PGC: variants seen among roughly 807,000 people sequenced by gnomAD.
PGC encodes the protein progastricsin, also known as gastricsin.
A neutral mutation model predicts 45.9 loss-of-function variants in PGC; 31 were observed. The ratio of observed to expected loss-of-function variants is 0.67; its 90% CI spans 0.51 to 0.91. PGC has a LOEUF of 0.91. Among genes scored for constraint, PGC ranks in the 40% least tolerant of loss-of-function variants. The probability of loss-of-function intolerance (pLI) is 0.00; values close to 1 mark genes in which losing one functional copy is unlikely to be tolerated. For synonymous variants in PGC, 192 were observed against 201.8 expected (o/e 0.95, Z 0.41); for missense variants, 477 against 493.2 (o/e 0.97, Z 0.31).
chr6:41,737,813 T>G lies in PGC; in HGVS notation c.931A>C (p.Asn311His), dbSNP rs200403445. Residue 311 changes from asparagine to histidine, a missense_variant, in exon 8 of 9, where the codon AAC becomes CAC. Physicochemically the swap from Asn to His is moderately conservative, Grantham distance 68. Coordinates refer to ENST00000373025, the MANE Select transcript of PGC (RefSeq NM_002630.4). ...DEYGQFLVNC[N>H]SIQNLPSLTF... ...AAGCTGGGCAGATTCTGAATGCTGT[T>G]ACAGTTCACGAGAAACTGCAAGAGG... is the stretch of plus-strand genomic sequence containing the variant. The G allele has an allele frequency of 1.9e-6, 3 of 1,610,194 alleles. No homozygotes were observed. The highest frequency in any genetic ancestry group is 2.2e-5 in the East Asian group (1 of 44,832).
In PGC at chr6:41,736,986, C is replaced by T. The variant is rs1207289909; in HGVS notation, c.1033G>A (p.Val345Met). 4 of 1,613,714 alleles carry T rather than the reference C, an allele frequency of 2.5e-6. No individual in the cohort carries two copies. Among genetic ancestry groups the T allele is most frequent in the Admixed American group, 1.7e-5 (1 of 59,990 alleles). Residue 345 changes from valine to methionine, a missense_variant, in exon 9 of 9, where the codon GTG becomes ATG. Transcript: ENST00000373025. ...YILSNNGYCT[V>M]GVEPTYLSSQ... The stretch of plus-strand genomic sequence containing the variant: ...GACAGGTAGGTGGGCTCGACTCCCA[C>T]GGTGCAGTAGCCGTTGTTCTGCTCA...
At chr6:41,737,881 C>G in intron 7 of PGC, 53 bp from the exon 8 acceptor site, 1 of 1,041,530 alleles carries the variant, frequency 9.6e-7, no homozygotes, top group Non-Finnish European at 1.5e-6. Context: ...ATAGCACCCA[C>G]CAGCCCCATC....
At position 41,738,190 on chromosome 6, in the gene PGC, G is replaced by GCATATATATATA. The variant is rs1561879782; in HGVS notation, c.916-363_916-362insTATATATATATG. ...TGCATATATATATACATATATATAT[G>GCATATATATATA]CATATATATATGCATATATATATGC... On this transcript the variant is annotated intron_variant, in intron 7 of 8. Coordinates refer to ENST00000373025, the MANE Select transcript of PGC (RefSeq NM_002630.4). Among the ~76,000 whole-genome samples the GCATATATATATA allele has an allele frequency of 4.5e-3, 46 of 10,218 alleles. 2 individuals carry two copies. The highest frequency in any genetic ancestry group is 8.8e-3 in the Non-Finnish European group (27 of 3,074). 6.7% of individuals were successfully genotyped at this position (10,218 alleles called of 152,430 possible).
Position 41,744,874 on chromosome 6 carries a change from C to T in PGC, c.60-66G>A, listed in dbSNP as rs2127292482. On this transcript the variant is annotated intron_variant, in intron 1 of 8. Transcript: ENST00000373025. This position sits in a 1 kb window ranked among gnomAD's most constrained non-coding sequence, Gnocchi z 4.4. ...CCTCTCTTCCCACTCCTCTCTTTCT[C>T]TCTCTCCTTCTCTTAACTGCATGCT... is the stretch of plus-strand genomic sequence containing the variant. The T allele has an allele frequency of 7.2e-7, 1 of 1,382,116 alleles. No homozygotes were observed. The highest frequency in any genetic ancestry group is 1.3e-5 in the South Asian group (1 of 77,124). The allele number at this position is 1,382,116 out of a possible 1,614,324, so 85.6% of individuals were successfully genotyped here.
chr6:41,738,179 C>T (rs12194362), intron 7 of PGC, among the ~76,000 whole-genome samples: 22 of 21,322 alleles, frequency 1.0e-3, no homozygotes, highest in Non-Finnish European at 2.0e-3. Context: ...TATATATATA[C>T]ATATATATAT....
intron 7 of PGC, among the ~76,000 whole-genome samples, chr6:41,739,007 CATA>C (rs991809169): frequency 1.3e-5 from 2 of 152,052 alleles, no homozygotes; most frequent in African/African-American, 4.8e-5. Context: ...CACAGATCTG[CATA>C]ATGAGTACCC....
At chr6:41,741,057 C>T in intron 5 of PGC, 1 of 1,537,230 alleles carries the variant, frequency 6.5e-7, no homozygotes, top group East Asian at 2.4e-5. Context: ...CCTCTCCCCT[C>T]CGCTTCCTGC....
chr6:41,736,761 G>A lies in PGC; in HGVS notation c.*91C>T. 7.7e-7 allele frequency: 1 copy of A among 1,295,366 alleles called. No individual in the cohort carries two copies. Among genetic ancestry groups the A allele is most frequent in the Admixed American group, 1.7e-5 (1 of 59,510 alleles). The allele number at this position is 1,295,366 out of a possible 1,614,324, so 80.2% of individuals were successfully genotyped here. A position where few individuals can be genotyped will look rare whatever the true frequency, so the allele number is the denominator to read the frequency against. On this transcript the variant is annotated 3_prime_UTR_variant, in exon 9 of 9. Transcript: ENST00000373025. ...GAAAGTCCAGAGTCCAGAAAAAGAA[G>A]GCTGAATCCAGAGTGGAAAGACAGA...
intron 7 of PGC, among the ~76,000 whole-genome samples, chr6:41,738,733 G>T (rs1288393693): frequency 1.3e-5 from 2 of 152,134 alleles, no homozygotes; most frequent in African/African-American, 2.4e-5. Flanking sequence ...AAGGCAGGCA[G>T]ATTACTTGAG....
chr6:41,742,337 C>T lies in PGC; in HGVS notation c.600G>A (p.Val200=). The change falls in exon 5 of 9, where the codon GTG becomes GTA. Residue 200 remains valine, a synonymous_variant. Transcript: ENST00000373025. ...DEATTAMQGM[V]QEGALTSPVF... The stretch of plus-strand genomic sequence containing the variant: ...CGGGGCTGGTGAGGGCGCCCTCCTG[C>T]ACCATGCCCTGCATAGCTGTGGTGG... The T allele has an allele frequency of 6.2e-7, 1 of 1,614,182 alleles. No homozygotes were observed. The highest frequency in any genetic ancestry group is 8.5e-7 in the Non-Finnish European group (1 of 1,180,038).
intron 1 of PGC, 138 bp downstream of exon 1, chr6:41,747,138 A>G (rs1292048572): frequency 2.8e-6 from 2 of 715,302 alleles, no homozygotes; most frequent in East Asian, 5.2e-5. Context: ...GTCTAACATC[A>G]GCAAAGGGAG....
At chr6:41,738,122 ACATATATATG>A (rs1186752811) in intron 7 of PGC, among the ~76,000 whole-genome samples, 5 of 127,700 alleles carry the variant, frequency 3.9e-5, no homozygotes, top group East Asian at 2.2e-4. Flanking sequence ...GTGCCTATAT[ACATATATATG>A]CATATATATA....
intron 8 of PGC, 100 bp downstream of exon 8, chr6:41,737,630 C>T (rs1034946683): frequency 9.9e-6 from 7 of 706,046 alleles, no homozygotes; most frequent in Middle Eastern, 3.4e-4. Context: ...AGCGTGGAGT[C>T]GGAAAATGGC....
chr6:41,743,141 T>C, intron 4 of PGC, 130 bp downstream of exon 4: 1 of 713,732 alleles, frequency 1.4e-6, no homozygotes, highest in Admixed American at 1.9e-5. Context: ...TGAATGGACC[T>C]GTCTTGTCCT....
Position 41,737,008 on chromosome 6 carries a change from C to A in PGC, c.1015-4G>T. 1 of 1,611,808 alleles carries A rather than the reference C, an allele frequency of 6.2e-7. No individual in the cohort carries two copies. Among genetic ancestry groups the A allele is most frequent in the South Asian group, 1.1e-5 (1 of 90,786 alleles). On this transcript the variant is annotated splice_polypyrimidine_tract_variant and splice_region_variant and intron_variant, in intron 8 of 8. Coordinates refer to ENST00000373025, the MANE Select transcript of PGC (RefSeq NM_002630.4). ...CCACGGTGCAGTAGCCGTTGTTCTG[C>A]TCAACAAAGAAAGGCAGCACTCATT...
In PGC at chr6:41,744,752, A is replaced by C. The variant is rs1771897136; in HGVS notation, c.116T>G (p.Leu39Arg). The C allele has an allele frequency of 6.2e-7, 1 of 1,614,084 alleles. No homozygotes were observed. Among genetic ancestry groups the C allele is most frequent in the Admixed American group, 1.7e-5 (1 of 60,022 alleles). ...IRETMKEKGL[L>R]GEFLRTHKYD... Reference sequence around the variant, plus strand: ...CTTGTGGGTCCTCAGGAACTCCCCCAGCAAGCCCTTCTCCTTCATGGTCTC... The same window carrying C: ...CTTGTGGGTCCTCAGGAACTCCCCCCGCAAGCCCTTCTCCTTCATGGTCTC... The change falls in exon 2 of 9, where the codon CTG (leucine) becomes CGG (arginine). Residue 39 changes from leucine (L) to arginine (R), a missense_variant. Coordinates refer to ENST00000373025, the MANE Select transcript of PGC (RefSeq NM_002630.4). The surrounding 1 kb of genome is among the most constrained non-coding windows in gnomAD (Gnocchi z 4.4).
At chr6:41,743,049 A>G (rs1771861194) in intron 4 of PGC, among the ~76,000 whole-genome samples, 1 of 152,210 alleles carries the variant, frequency 6.6e-6, no homozygotes, top group Non-Finnish European at 1.5e-5. Context: ...CTTCTTAAGG[A>G]AAAGGACCAT....
chr6:41,736,914 T>C lies in PGC; in HGVS notation c.1105A>G (p.Arg369Gly), dbSNP rs1247793909. Reference sequence around the variant, plus strand: ...AAGTCGTAGACGGAATAGTAGGACCTGAGGAAGACATCCCCGAGGATCCAC... The same window carrying C: ...AAGTCGTAGACGGAATAGTAGGACCCGAGGAAGACATCCCCGAGGATCCAC... ...PLWILGDVFL[R>G]SYYSVYDLGN... The change falls in exon 9 of 9, where the codon AGG becomes GGG. Residue 369 changes from arginine to glycine, a missense_variant. Coordinates refer to ENST00000373025, the MANE Select transcript of PGC (RefSeq NM_002630.4). 3.7e-6 allele frequency: 6 copies of C among 1,613,986 alleles called. No individual in the cohort carries two copies. Among genetic ancestry groups the C allele is most frequent in the Admixed American group, 1.7e-5 (1 of 59,994 alleles).
In PGC at chr6:41,744,112, C is replaced by T. The variant is rs138319475; in HGVS notation, c.328+285G>A. 6.8e-4 allele frequency among the ~76,000 whole-genome samples: 104 copies of T among 152,198 alleles called. No homozygotes were observed. Among genetic ancestry groups the T allele is most frequent in the Middle Eastern group, 3.4e-3 (1 of 294 alleles). Reference sequence around the variant, plus strand: ...TCACATGGAATGGAATGGCACTGCCCAGAGTAAACAGAATGGGGAGAGTGG... The same window carrying T: ...TCACATGGAATGGAATGGCACTGCCTAGAGTAAACAGAATGGGGAGAGTGG... On this transcript the variant is annotated intron_variant, in intron 3 of 8. Coordinates refer to ENST00000373025, the MANE Select transcript of PGC (RefSeq NM_002630.4). This position sits in a 1 kb window ranked among gnomAD's most constrained non-coding sequence, Gnocchi z 4.4.
Sources: gnomAD v4.1 joint callset for allele counts (sites outside exome capture counted in the v4.1 genomes callset) on GRCh38, gnomAD v4.1.1 for gene constraint, Gnocchi (gnomAD v3.1) non-coding constraint, MANE v1.5 for transcripts, NCBI Gene and HGNC (gene_info 2026-07-23, HGNC 2026-07-21) for gene names.